The following MAP3K20 variants were observed in gnomAD, a reference collection of about 807,000 sequenced individuals.
MAP3K20 encodes the protein HCCS-4.
A neutral mutation model predicts 85.7 loss-of-function variants in MAP3K20; 40 were observed. The ratio of observed to expected loss-of-function variants is 0.47; its 90% CI spans 0.36 to 0.61. The LOEUF (loss-of-function observed/expected upper bound fraction) is 0.61, where lower values mean the gene tolerates loss of function less well. Among genes scored for constraint, MAP3K20 ranks in the 20% least tolerant of loss-of-function variants. The pLI is 0.00. For synonymous variants in MAP3K20, 325 were observed against 327.7 expected, an observed-to-expected ratio of 0.99 and a Z score of 0.09; for missense variants, 817 against 961.7, an observed-to-expected ratio of 0.85 and a Z score of 1.99.
chr2:173,204,959 CG>C (rs777272092), intron 9 of MAP3K20, among the ~76,000 whole-genome samples: 14 of 151,628 alleles, frequency 9.2e-5, no homozygotes, highest in Non-Finnish European at 1.8e-4. Context: ...AAAAATTAGC[CG>C]GGCGTGGTGG....
chr2:173,205,029 G>C (rs1356807659), intron 9 of MAP3K20, among the ~76,000 whole-genome samples: 3 of 150,662 alleles, frequency 2.0e-5, no homozygotes, highest in Admixed American at 1.3e-4. Flanking sequence ...CATGAACCCG[G>C]GAGGCGGAGC....
intron 2 of MAP3K20, among the ~76,000 whole-genome samples, chr2:173,132,169 C>T (rs528533812): frequency 2.6e-5 from 4 of 152,228 alleles, no homozygotes; most frequent in East Asian, 3.9e-4. Context: ...TGGTTATTCC[C>T]CCTTTCTGAT....
intron 2 of MAP3K20, among the ~76,000 whole-genome samples, chr2:173,141,083 C>A (rs1183239104): frequency 6.6e-6 from 1 of 152,130 alleles, no homozygotes; most frequent in Non-Finnish European, 1.5e-5. Context: ...TCGCAACTTA[C>A]TTTTTGAACT....
At chr2:173,243,959 A>C (rs559289841) in intron 16 of MAP3K20, among the ~76,000 whole-genome samples, 3 of 152,312 alleles carry the variant, frequency 2.0e-5, no homozygotes, top group African/African-American at 7.2e-5. Context: ...TTTCAGAAGC[A>C]CAGAGAAGGA....
intron 11 of MAP3K20, chr2:173,222,524 G>C (rs1684280127): frequency 1.0e-6 from 1 of 985,808 alleles, no homozygotes; most frequent in Non-Finnish European, 1.2e-6. Context: ...GTCTTAAGGG[G>C]ATGCTTCCAG....
chr2:173,251,611 G>GA, intron 16 of MAP3K20, among the ~76,000 whole-genome samples: 1 of 152,320 alleles, frequency 6.6e-6, no homozygotes, highest in Middle Eastern at 3.4e-3. Flanking sequence ...CATCTATGGT[G>GA]ATAGAAGCTG....
intron 2 of MAP3K20, among the ~76,000 whole-genome samples, chr2:173,113,976 G>A (rs1217735301): frequency 6.6e-6 from 1 of 152,054 alleles, no homozygotes; most frequent in Non-Finnish European, 1.5e-5. Flanking sequence ...GTCTAGTGCT[G>A]TCGGTGGAGT....
At chr2:173,213,474 A>C (rs1390996762) in intron 10 of MAP3K20, among the ~76,000 whole-genome samples, 1 of 152,242 alleles carries the variant, frequency 6.6e-6, no homozygotes, top group Non-Finnish European at 1.5e-5. Context: ...GGACTGTAAT[A>C]GTAATTTTAA....
chr2:173,099,079 A>T (rs1056285571), intron 2 of MAP3K20, among the ~76,000 whole-genome samples: 6 of 152,240 alleles, frequency 3.9e-5, no homozygotes, highest in Admixed American at 1.3e-4. Flanking sequence ...CTTGTCAAAA[A>T]GTGGCGGAGA....
Position 173,152,841 on chromosome 2 carries a change from T to TAGG in MAP3K20, c.160-16964_160-16963insAGG, listed in dbSNP as rs201256354. Among the ~76,000 whole-genome samples the TAGG allele has an allele frequency of 6.5e-3, 997 of 152,274 alleles. 6 individuals carry two copies. Among genetic ancestry groups the TAGG allele is most frequent in the Non-Finnish European group, 8.2e-3 (555 of 68,020 alleles). ...AAATAGTTTCCTACTTTAGGAGATT[T>TAGG]GAGGCTCCCAAGAATATAGTGAAGG... is the stretch of plus-strand genomic sequence containing the variant. On this transcript the variant is annotated intron_variant, in intron 2 of 19. Coordinates refer to ENST00000375213, the MANE Select transcript of MAP3K20 (RefSeq NM_016653.3).
intron 2 of MAP3K20, among the ~76,000 whole-genome samples, chr2:173,108,371 TCCGC>T (rs1314804562): frequency 9.2e-5 from 14 of 152,212 alleles, no homozygotes; most frequent in African/African-American, 2.9e-4. Flanking sequence ...CCTCAGGTGA[TCCGC>T]CCGCCTCGGC....
At chr2:173,249,153 G>A (rs940540663) in intron 16 of MAP3K20, among the ~76,000 whole-genome samples, 4 of 152,154 alleles carry the variant, frequency 2.6e-5, no homozygotes, top group African/African-American at 7.2e-5. Flanking sequence ...TTTAAAAAAC[G>A]TGGAAACAGT....
chr2:173,168,584 A>G (rs1046559499), intron 2 of MAP3K20, among the ~76,000 whole-genome samples: 1 of 152,188 alleles, frequency 6.6e-6, no homozygotes, highest in Non-Finnish European at 1.5e-5. Context: ...TCCCTTTCTG[A>G]CCAAAGTGTC....
chr2:173,247,983 G>A (rs770147556), intron 16 of MAP3K20, among the ~76,000 whole-genome samples: 2 of 152,200 alleles, frequency 1.3e-5, no homozygotes, highest in South Asian at 2.1e-4. Context: ...AGGGTGACAT[G>A]AATAAGCATG....
chr2:173,144,733 G>GTCTCTTATGGAAAACTGGAC lies in MAP3K20; in HGVS notation c.160-25071_160-25070insCTCTTATGGAAAACTGGACT, dbSNP rs2106218855. Among the ~76,000 whole-genome samples the GTCTCTTATGGAAAACTGGAC allele has an allele frequency of 3.9e-5, 6 of 151,950 alleles. No individual in the cohort carries two copies. In the South Asian group the frequency reaches 1.2e-3, roughly 32 times the overall value. The stretch of plus-strand genomic sequence containing the variant: ...GACCTAAATAAGTGGAGAGACATGC[G>GTCTCTTATGGAAAACTGGAC]TTTTCCATAAGTCCAGTTGTAAGAC... On this transcript the variant is annotated intron_variant, in intron 2 of 19. Transcript: ENST00000375213.
At chr2:173,081,477 T>C (rs1257033909) in intron 1 of MAP3K20, among the ~76,000 whole-genome samples, 2 of 152,206 alleles carry the variant, frequency 1.3e-5, no homozygotes, top group African/African-American at 4.8e-5. Context: ...ACCATTAAGC[T>C]CTGCAGCCCA....
At chr2:173,204,207 C>CCAAA (rs1683589190) in intron 9 of MAP3K20, among the ~76,000 whole-genome samples, 2 of 152,136 alleles carry the variant, frequency 1.3e-5, no homozygotes, top group Admixed American at 6.5e-5. Flanking sequence ...AGGCACTGTT[C>CCAAA]CAAACACTTT....
intron 2 of MAP3K20, among the ~76,000 whole-genome samples, chr2:173,096,559 C>T (rs1419879182): frequency 2.6e-5 from 4 of 152,092 alleles, no homozygotes; most frequent in African/African-American, 9.7e-5. Context: ...AGGATGGTCT[C>T]GATCTCCTGA....
chr2:173,138,126 C>T (rs926771861), intron 2 of MAP3K20, among the ~76,000 whole-genome samples: 4 of 151,708 alleles, frequency 2.6e-5, no homozygotes, highest in Non-Finnish European at 4.4e-5. Flanking sequence ...CGCCACCCAA[C>T]CCAGCTAATT....
Sources: allele counts gnomAD v4.1 joint callset (sites outside exome capture counted in the v4.1 genomes callset), GRCh38; gene constraint gnomAD v4.1.1; transcripts MANE v1.5; gene names NCBI Gene and HGNC (gene_info 2026-07-23, HGNC 2026-07-21).